PGK1: variants seen among roughly 807,000 people sequenced by gnomAD.
PGK1 encodes PRP 2.
In PGK1, 3 loss-of-function variants were observed where a neutral mutation model predicts 26.9. That is an observed-to-expected ratio of 0.11 (90% CI 0.05 to 0.29). The LOEUF (loss-of-function observed/expected upper bound fraction) is 0.29. Ranked by LOEUF, PGK1 falls within the 10% of genes least tolerant of loss-of-function variation. The probability of loss-of-function intolerance (pLI) is 1.00; values close to 1 mark genes in which losing one functional copy is unlikely to be tolerated. For synonymous variants in PGK1, 125 were observed against 115.3 expected (o/e 1.08, Z -0.54); for missense variants, 270 against 314.7 (o/e 0.86, Z 1.07).
rs2078386484 is a variant in PGK1 at position 78,126,996 on chromosome X, A to G, written c.*1166A>G. On this transcript the variant is annotated 3_prime_UTR_variant, in exon 11 of 11. Transcript: ENST00000373316. ...GGAGTCCTTAGTGCTCCTTTATCCA[A>G]TTTGTACTTGATGCCCTCTAGGCAG... 8.9e-6 allele frequency: 1 copy of G among 112,405 alleles called. No individual in the cohort carries two copies. 9.3% of individuals were successfully genotyped at this position (112,405 alleles called of 1,213,427 possible).
In PGK1 at chrX:78,110,856, T is replaced by G. The variant is rs190976840; in HGVS notation, c.116+939T>G. Among the ~76,000 whole-genome samples the G allele has an allele frequency of 5.8e-4, 64 of 110,748 alleles. No individual in the cohort carries two copies. In the East Asian group the frequency reaches 0.018, roughly 31 times the overall value. Reference sequence around the variant, plus strand: ...AGTCAGTTTAGCTGCTCCAGTGTCTTGGATCCTAGATTCAGAAACAAATTT... The same window carrying G: ...AGTCAGTTTAGCTGCTCCAGTGTCTGGGATCCTAGATTCAGAAACAAATTT... On this transcript the variant is annotated intron_variant, in intron 2 of 10. Coordinates refer to ENST00000373316, the MANE Select transcript of PGK1 (RefSeq NM_000291.4).
intron 6 of PGK1, among the ~76,000 whole-genome samples, chrX:78,119,198 C>T (rs2078341652): frequency 9.0e-6 from 1 of 111,663 alleles, no homozygotes; most frequent in African/African-American, 3.3e-5. Flanking sequence ...ATGAAAACCT[C>T]TTCATATGTG....
chrX:78,117,401 T>C lies in PGK1; in HGVS notation c.507T>C (p.Ala169=). 1.7e-6 allele frequency: 2 copies of C among 1,156,632 alleles called. No individual in the cohort carries two copies. The highest frequency in any genetic ancestry group is 1.8e-5 in the South Asian group (1 of 55,795). Residue 169 remains alanine (A), a synonymous_variant, in exon 5 of 11, where the codon GCT becomes GCC. Coordinates refer to ENST00000373316, the MANE Select transcript of PGK1 (RefSeq NM_000291.4). ...DVYVNDAFGT[A]HRAHSSMVGV... is the part of the protein sequence containing the mutation. ...ATGTCAATGATGCTTTTGGCACTGC[T>C]CACAGAGCCCACAGGTACCAAGAAC...
chrX:78,118,307 C>A, intron 6 of PGK1, 137 bp downstream of exon 6: 1 of 666,173 alleles, frequency 1.5e-6, no homozygotes, highest in Non-Finnish European at 2.4e-6. Context: ...ACAGGCTGGG[C>A]ATGGTGGCTC....
In PGK1 at chrX:78,125,915, T is replaced by A. The variant is rs1380650904; in HGVS notation, c.*85T>A. The A allele has an allele frequency of 3.8e-6, 3 of 791,462 alleles. No individual in the cohort carries two copies. The highest frequency in any genetic ancestry group is 5.8e-6 in the Non-Finnish European group (3 of 514,281). The allele number at this position is 791,462 out of a possible 1,213,427, so 65.2% of individuals were successfully genotyped here. ...TCTCCACTTGGCATTAGCTAAAACC[T>A]TCCATGTCAAGATTCAGCTAGTGGC... On this transcript the variant is annotated 3_prime_UTR_variant, in exon 11 of 11. Coordinates refer to ENST00000373316, the MANE Select transcript of PGK1 (RefSeq NM_000291.4).
intron 1 of PGK1, chrX:78,106,811 T>C (rs2078274688): frequency 1.4e-5 from 2 of 146,400 alleles, no homozygotes; most frequent in Non-Finnish European, 2.4e-5. Context: ...CTTTCTCTCA[T>C]AGGTTGCCAG....
In PGK1 at chrX:78,129,229, CTAT is replaced by C. The variant is rs2078396990; in HGVS notation, c.*3400_*3402del. 1 of 106,123 alleles carries C rather than the reference CTAT, an allele frequency of 9.4e-6. No individual in the cohort carries two copies. The highest frequency in any genetic ancestry group is 3.4e-5 in the African/African-American group (1 of 29,121). 8.7% of individuals were successfully genotyped at this position (106,123 alleles called of 1,213,427 possible). ...CATACCCATGTGTGTACCTATCTATCTATCTATCTATCTATCTATCTATCTATC... is the reference window on the plus strand; with the variant it reads ...CATACCCATGTGTGTACCTATCTATCCTATCTATCTATCTATCTATCTATC... On this transcript the variant is annotated 3_prime_UTR_variant, in exon 11 of 11. Coordinates refer to ENST00000373316, the MANE Select transcript of PGK1 (RefSeq NM_000291.4).
chrX:78,116,048 C>T (rs938957968), intron 4 of PGK1, among the ~76,000 whole-genome samples: 4 of 107,469 alleles, frequency 3.7e-5, no homozygotes, highest in Admixed American at 1.0e-4. Context: ...CTGGTAGAGA[C>T]GGGGTCTTGC....
In PGK1 at chrX:78,117,368, G is replaced by A. The variant is rs782771262; in HGVS notation, c.474G>A (p.Gly158=). 6 of 1,204,658 alleles carry A rather than the reference G, an allele frequency of 5.0e-6. No individual in the cohort carries two copies. The Admixed American group carries it at 1.1e-4, about 22-fold the overall frequency. The part of the protein sequence containing the change: ...EAFRASLSKL[G]DVYVNDAFGT... ...TCCGAGCTTCACTTTCCAAGCTAGG[G>A]GATGTCTATGTCAATGATGCTTTTG... is the stretch of plus-strand genomic sequence containing the variant. Residue 158 remains glycine (G), a synonymous_variant, in exon 5 of 11, where the codon GGG becomes GGA. Transcript: ENST00000373316.
intron 7 of PGK1, 38 bp from the exon 8 acceptor site, chrX:78,123,157 T>G (rs1234807473): frequency 8.3e-6 from 9 of 1,085,864 alleles, no homozygotes; most frequent in Non-Finnish European, 1.2e-5. Context: ...GTTCTTAGTA[T>G]AGATGCTGAC....
chrX:78,117,526 A>G, intron 5 of PGK1, 111 bp downstream of exon 5: 1 of 547,213 alleles, frequency 1.8e-6, no homozygotes, highest in Non-Finnish European at 3.2e-6. Context: ...TAATCCTTTC[A>G]GCTTCTCTAA....
chrX:78,117,513 C>A, intron 5 of PGK1, 98 bp downstream of exon 5: 1 of 577,836 alleles, frequency 1.7e-6, no homozygotes, highest in South Asian at 2.4e-5. Flanking sequence ...TTGTATTATA[C>A]TGTAATCCTT....
intron 1 of PGK1, among the ~76,000 whole-genome samples, chrX:78,108,836 C>T (rs782280422): frequency 8.9e-6 from 1 of 111,833 alleles, no homozygotes; most frequent in African/African-American, 3.3e-5. Flanking sequence ...ATAACAACAA[C>T]ACTTTTATGG....
At chrX:78,109,508 C>T (rs2078289246) in intron 1 of PGK1, among the ~76,000 whole-genome samples, 1 of 110,327 alleles carries the variant, frequency 9.1e-6, no homozygotes, top group Non-Finnish European at 1.9e-5. Flanking sequence ...ATCTTCAGGG[C>T]TAGTTCCTGT....
At chrX:78,116,401 T>C (rs1372956568) in intron 4 of PGK1, among the ~76,000 whole-genome samples, 4 of 112,546 alleles carry the variant, frequency 3.6e-5, no homozygotes, top group Non-Finnish European at 7.5e-5. Context: ...TTAGCATTAG[T>C]GCCTCTGCAA....
In PGK1 at chrX:78,113,729, T is replaced by C. The variant is rs2078312208; in HGVS notation, c.117-15T>C. The C allele has an allele frequency of 1.7e-6, 2 of 1,204,148 alleles. No individual in the cohort carries two copies. The highest frequency in any genetic ancestry group is 3.5e-5 in the African/African-American group (2 of 57,131). On this transcript the variant is annotated splice_polypyrimidine_tract_variant and intron_variant, in intron 2 of 10. Coordinates refer to ENST00000373316, the MANE Select transcript of PGK1 (RefSeq NM_000291.4). Reference sequence around the variant, plus strand: ...GAGTAACTTCATTCTGTTTGTTGTCTCTCTTTGGTTGCAGGATTAAGGCTG... The same window carrying C: ...GAGTAACTTCATTCTGTTTGTTGTCCCTCTTTGGTTGCAGGATTAAGGCTG...
rs782762254 is a variant in PGK1, at chrX:78,124,987, G to T, written c.1050G>T (p.Arg350=). Reference sequence around the variant, plus strand: ...TATTTGAATGGGAAGCTTTTGCCCGGGGAACCAAAGCTCTCATGGATGAGG... The same window carrying T: ...TATTTGAATGGGAAGCTTTTGCCCGTGGAACCAAAGCTCTCATGGATGAGG... ...VGVFEWEAFA[R]GTKALMDEVV... The change falls in exon 9 of 11, where the codon CGG becomes CGT. Residue 350 remains arginine (R), a synonymous_variant. Transcript: ENST00000373316. 8.3e-7 allele frequency: 1 copy of T among 1,210,146 alleles called. No homozygotes were observed. Among genetic ancestry groups the T allele is most frequent in the Non-Finnish European group, 1.1e-6 (1 of 894,276 alleles).
Position 78,109,931 on chromosome X carries a change from T to C in PGK1, c.116+14T>C, listed in dbSNP as rs782611401. ...AAACAACCAGAGGTAAGGTCCCTGC[T>C]AATCCTTGGGCTGGGTTTAAGATGT... On this transcript the variant is annotated intron_variant, in intron 2 of 10. Coordinates refer to ENST00000373316, the MANE Select transcript of PGK1 (RefSeq NM_000291.4). 17 of 1,126,110 alleles carry C rather than the reference T, an allele frequency of 1.5e-5. No homozygotes were observed. Among genetic ancestry groups the C allele is most frequent in the Admixed American group, 2.2e-5 (1 of 45,624 alleles). The allele number at this position is 1,126,110 out of a possible 1,213,427, so 92.8% of individuals were successfully genotyped here. A position where few individuals can be genotyped will look rare whatever the true frequency, so the allele number is the denominator to read the frequency against.
intron 1 of PGK1, among the ~76,000 whole-genome samples, chrX:78,107,593 A>G (rs1334287549): frequency 8.9e-6 from 1 of 112,619 alleles, no homozygotes; most frequent in Non-Finnish European, 1.9e-5. Flanking sequence ...ATTGCTGAGT[A>G]GTATTCCATG....
Sources: allele counts gnomAD v4.1 joint callset (sites outside exome capture counted in the v4.1 genomes callset), GRCh38; gene constraint gnomAD v4.1.1; transcripts MANE v1.5; gene names NCBI Gene and HGNC (gene_info 2026-07-23, HGNC 2026-07-21).